Variants in ACE observed in about 807,000 individuals in gnomAD.
ACE encodes the protein angiotensin I converting enzyme, also known as angiotensin-converting enzyme.
Under a neutral mutation model 162.3 loss-of-function variants are expected in ACE, and 122 were observed. The observed-to-expected ratio is 0.75, with a 90% CI of 0.65 to 0.87. The LOEUF (loss-of-function observed/expected upper bound fraction) is 0.87, where lower values mean the gene tolerates loss of function less well. Among genes scored for constraint, ACE ranks in the 40% least tolerant of loss-of-function variants. The pLI is 0.00. For missense variants in ACE, 1,799 were observed against 1,735.1 expected, an observed-to-expected ratio of 1.04 and a Z score of -0.65; for synonymous variants, 796 against 720.6, an observed-to-expected ratio of 1.10 and a Z score of -1.68.
chr17:63,497,356 GAC>G lies in ACE; in HGVS notation c.3914_3915del (p.His1305LeufsTer4). On this transcript the variant is annotated frameshift_variant, in exon 25 of 25. Transcript: ENST00000290866. LOFTEE classifies it high-confidence loss of function. ...CAGTTCGGCTCCGAGGTGGAGCTGA[GAC>G]ACTCCTGAGGTGACCCGGCTGGGTC... The G allele has an allele frequency of 1.9e-6, 3 of 1,548,470 alleles. No homozygotes were observed. The highest frequency in any genetic ancestry group is 2.6e-6 in the Non-Finnish European group (3 of 1,146,878).
chr17:63,477,303 C>A lies in ACE; in HGVS notation c.209C>A (p.Ala70Glu). The A allele has an allele frequency of 1.4e-6, 2 of 1,435,126 alleles. No homozygotes were observed. The highest frequency in any genetic ancestry group is 1.5e-5 in the African/African-American group (1 of 67,698). The allele number at this position is 1,435,126 out of a possible 1,614,324, so 88.9% of individuals were successfully genotyped here. A position where few individuals can be genotyped will look rare whatever the true frequency, so the allele number is the denominator to read the frequency against. ...VLFQSVAASW[A>E]HDTNITAENA... ...TTCCAGAGCGTGGCCGCCAGCTGGGCGCACGACACCAACATCACCGCGGAG... is the reference window on the plus strand; with the variant it reads ...TTCCAGAGCGTGGCCGCCAGCTGGGAGCACGACACCAACATCACCGCGGAG... Residue 70 changes from alanine to glutamate, a missense_variant, in exon 1 of 25, where the codon GCG becomes GAG. Transcript: ENST00000290866.
At position 63,484,330 on chromosome 17, in the gene ACE, G is replaced by A. The variant is rs1393920320; in HGVS notation, c.1710G>A (p.Arg570=). ...YRSTKAGAKL[R]KVLQAGSSRP... ...CCATGGTACCCACTCTGCCCACCAG[G>A]AAGGTGCTGCAGGCTGGCTCCTCCA... Residue 570 remains arginine (R), a splice_region_variant and synonymous_variant, in exon 12 of 25, where the codon CGG becomes CGA. Coordinates refer to ENST00000290866, the MANE Select transcript of ACE (RefSeq NM_000789.4). The surrounding 1 kb of genome is among the most constrained non-coding windows in gnomAD (Gnocchi z 4.0). 1.9e-6 allele frequency: 3 copies of A among 1,609,968 alleles called. 1 individual carries two copies. Among genetic ancestry groups the A allele is most frequent in the Middle Eastern group, 4.3e-4 (2 of 4,618 alleles).
intron 22 of ACE, 101 bp from the exon 23 acceptor site, chr17:63,496,293 A>T (rs1599157343): frequency 6.4e-7 from 1 of 1,571,134 alleles, no homozygotes; most frequent in East Asian, 2.2e-5. Context: ...TGCGCATGTG[A>T]CTTAGCACAC....
chr17:63,497,660 A>C lies in ACE; in HGVS notation c.*294A>C, dbSNP rs1483567920. 3.2e-6 allele frequency: 2 copies of C among 616,594 alleles called. No homozygotes were observed. The highest frequency in any genetic ancestry group is 3.6e-5 in the African/African-American group (2 of 55,142). 38.2% of individuals were successfully genotyped at this position (616,594 alleles called of 1,614,324 possible). On this transcript the variant is annotated 3_prime_UTR_variant, in exon 25 of 25. Coordinates refer to ENST00000290866, the MANE Select transcript of ACE (RefSeq NM_000789.4). ...CCTCACAGGGAAGCCAGGGACAGGGACAGGCTGCTTTCCTGCCTCCTGGCA... is the reference window on the plus strand; with the variant it reads ...CCTCACAGGGAAGCCAGGGACAGGGCCAGGCTGCTTTCCTGCCTCCTGGCA...
chr17:63,484,103 T>A lies in ACE; in HGVS notation c.1709+132T>A. On this transcript the variant is annotated intron_variant, in intron 11 of 24. Coordinates refer to ENST00000290866, the MANE Select transcript of ACE (RefSeq NM_000789.4). This position sits in a 1 kb window ranked among gnomAD's most constrained non-coding sequence, Gnocchi z 4.0. Reference sequence around the variant, plus strand: ...AGAGCTGGACTGATGTGGATGCCTGTCTCCTCGCTATGTCATCAAATATTT... The same window carrying A: ...AGAGCTGGACTGATGTGGATGCCTGACTCCTCGCTATGTCATCAAATATTT... 7.0e-7 allele frequency: 1 copy of A among 1,429,480 alleles called. No individual in the cohort carries two copies. Among genetic ancestry groups the A allele is most frequent in the Non-Finnish European group, 9.4e-7 (1 of 1,062,416 alleles). 88.5% of individuals were successfully genotyped at this position (1,429,480 alleles called of 1,614,324 possible).
rs190726855 is a variant in ACE at position 63,482,798 on chromosome 17, C to T, written c.1342+109C>T. 2.8e-4 allele frequency: 353 copies of T among 1,283,450 alleles called. 2 individuals carry two copies. The Middle Eastern group carries it at 7.3e-3, about 27-fold the overall frequency. 79.5% of individuals were successfully genotyped at this position (1,283,450 alleles called of 1,614,324 possible). On this transcript the variant is annotated intron_variant, in intron 8 of 24. Transcript: ENST00000290866. ...CTCTGCCCTTCTTTCTGCCTCCCGG[C>T]CCCAGGTCAGGCAGGGTTCGGGATC...
intron 12 of ACE, 174 bp from the exon 13 acceptor site, chr17:63,485,062 C>A: frequency 6.2e-7 from 1 of 1,607,802 alleles, no homozygotes; most frequent in Admixed American, 1.7e-5. Flanking sequence ...CAGCCCAGAG[C>A]CCAAGTGGGA....
rs12720743 is a variant in ACE at position 63,497,005 on chromosome 17, CT to C, written c.3691+21del. Reference sequence around the variant, plus strand: ...ACTCCGGTACCGCCACCCACCCCACCTCCAGCCTTGGGTCTTAACCCCCTCC... The same window carrying C: ...ACTCCGGTACCGCCACCCACCCCACCCCAGCCTTGGGTCTTAACCCCCTCC... On this transcript the variant is annotated intron_variant, in intron 24 of 24. Coordinates refer to ENST00000290866, the MANE Select transcript of ACE (RefSeq NM_000789.4). 16,413 of 1,602,132 alleles carry C rather than the reference CT, an allele frequency of 0.01. 509 individuals are homozygous for C. The African/African-American group carries it at 0.1, about 10-fold the overall frequency.
intron 3 of ACE, 75 bp downstream of exon 3, chr17:63,479,175 A>G (rs1223385883): frequency 4.9e-6 from 6 of 1,221,132 alleles, no homozygotes; most frequent in Non-Finnish European, 5.9e-6. Context: ...CAGACCATGC[A>G]GTTGTGTAGG....
In ACE at chr17:63,485,190, G is replaced by A. The variant is rs780753411; in HGVS notation, c.1922-46G>A. ...CTTCTGGTGAGACCACAAACCTGGA[G>A]AGGGGAGGCAGAGGTTTGTCTGTTT... is the stretch of plus-strand genomic sequence containing the variant. On this transcript the variant is annotated intron_variant, in intron 12 of 24. Transcript: ENST00000290866. 73 of 1,613,464 alleles carry A rather than the reference G, an allele frequency of 4.5e-5. 1 individual carries two copies. The South Asian group carries it at 7.8e-4, about 17-fold the overall frequency.
chr17:63,484,591 T>A lies in ACE; in HGVS notation c.1921+50T>A. ...TGGGGCTAAGGTGGGTCCTCAACTC[T>A]GGGCTTGGCCCAGGCCCCAGGTTCC... On this transcript the variant is annotated intron_variant, in intron 12 of 24. Coordinates refer to ENST00000290866, the MANE Select transcript of ACE (RefSeq NM_000789.4). This position sits in a 1 kb window ranked among gnomAD's most constrained non-coding sequence, Gnocchi z 4.0. 1.9e-6 allele frequency: 3 copies of A among 1,561,062 alleles called. No homozygotes were observed. The highest frequency in any genetic ancestry group is 2.3e-5 in the South Asian group (2 of 85,604).
At position 63,485,320 on chromosome 17, in the gene ACE, A is replaced by G. The variant is rs1266247312; in HGVS notation, c.2006A>G (p.Glu669Gly). 1 of 1,613,852 alleles carries G rather than the reference A, an allele frequency of 6.2e-7. No homozygotes were observed. Among genetic ancestry groups the G allele is most frequent in the Non-Finnish European group, 8.5e-7 (1 of 1,179,994 alleles). Residue 669 changes from glutamate to glycine, a missense_variant, in exon 13 of 25, where the codon GAG (glutamate) becomes GGG (glycine). Glu to Gly is a moderately conservative substitution (Grantham distance 98). Coordinates refer to ENST00000290866, the MANE Select transcript of ACE (RefSeq NM_000789.4). ...TSQVVWNEYAEANWNYNTNIT... is the reference protein window; with the variant it reads ...TSQVVWNEYAGANWNYNTNIT... ...CAGGTGGTGTGGAACGAGTATGCCG[A>G]GGCCAACTGGAACTACAACACCAAC...
intron 6 of ACE, 80 bp downstream of exon 6, chr17:63,481,268 G>T: frequency 7.3e-7 from 1 of 1,364,454 alleles, no homozygotes; most frequent in Non-Finnish European, 1.0e-6. Flanking sequence ...GGGCACAGGG[G>T]CGGGAAGGTT....
intron 22 of ACE, chr17:63,496,050 T>C (rs1051834643): frequency 1.3e-5 from 5 of 374,750 alleles, no homozygotes; most frequent in Non-Finnish European, 2.5e-5. Context: ...TTGCCTCTAC[T>C]TGCATATACC....
chr17:63,486,133 ACT>A (rs1314468702), intron 13 of ACE, among the ~76,000 whole-genome samples: 1 of 152,108 alleles, frequency 6.6e-6, no homozygotes, highest in Non-Finnish European at 1.5e-5. Context: ...TGAGCCACAC[ACT>A]GTTACTGTTC....
At position 63,485,112 on chromosome 17, in the gene ACE, C is replaced by T. The variant is rs748936553; in HGVS notation, c.1922-124C>T. The T allele has an allele frequency of 2.2e-5, 28 of 1,299,290 alleles. No individual in the cohort carries two copies. In the Middle Eastern group the frequency reaches 7.6e-4, roughly 35 times the overall value. 80.5% of individuals were successfully genotyped at this position (1,299,290 alleles called of 1,614,324 possible). ...GGCAGGGTGCCAGGGGTGGGAGAGG[C>T]GGGGCCGGGTAGGGACAGGGCAGGG... is the stretch of plus-strand genomic sequence containing the variant. On this transcript the variant is annotated intron_variant, in intron 12 of 24. Coordinates refer to ENST00000290866, the MANE Select transcript of ACE (RefSeq NM_000789.4).
Position 63,477,132 on chromosome 17 carries a change from T to C in ACE, c.38T>C (p.Leu13Pro), listed in dbSNP as rs1187548350. The change falls in exon 1 of 25, where the codon CTG (leucine) becomes CCG (proline). Residue 13 changes from leucine (L) to proline (P), a missense_variant. Transcript: ENST00000290866. The part of the protein sequence containing the change: ...AASGRRGPGL[L>P]LPLPLLLLLP... ...TCGGGCCGCCGGGGGCCGGGGCTGC[T>C]GCTGCCGCTGCCGCTGCTGTTGCTG... 1.6e-5 allele frequency: 23 copies of C among 1,420,410 alleles called. No homozygotes were observed. In the East Asian group the frequency reaches 6.9e-4, roughly 43 times the overall value. 88.0% of individuals were successfully genotyped at this position (1,420,410 alleles called of 1,614,324 possible).
chr17:63,493,928 A>G lies in ACE; in HGVS notation c.3143A>G (p.Asp1048Gly), dbSNP rs1313627969. 16 of 1,614,004 alleles carry G rather than the reference A, an allele frequency of 9.9e-6. No homozygotes were observed. In the Admixed American group the frequency reaches 1.7e-4, roughly 17 times the overall value. Reference protein sequence around the residue: ...LSSEGGSDEHDINFLMKMALD... With the variant: ...LSSEGGSDEHGINFLMKMALD... ...GGGCTCCCTTCCCTTGCAGAGCATG[A>G]CATCAACTTTCTGATGAAGATGGCC... Residue 1048 changes from aspartate to glycine, a missense_variant, in exon 21 of 25, where the codon GAC (aspartate) becomes GGC (glycine). Physicochemically the swap from Asp to Gly is moderately conservative, Grantham distance 94. Coordinates refer to ENST00000290866, the MANE Select transcript of ACE (RefSeq NM_000789.4).
At position 63,480,461 on chromosome 17, in the gene ACE, C is replaced by T. The variant is rs4302; in HGVS notation, c.780C>T (p.Arg260=). The change falls in exon 5 of 25, where the codon CGC becomes CGT. Residue 260 remains arginine (R), a synonymous_variant. Transcript: ENST00000290866. ...LYLNLHAFVR[R]ALHRRYGDRY... ...TGAACCTCCATGCCTTCGTCCGCCG[C>T]GCACTGCATCGCCGATACGGAGACA... is the stretch of plus-strand genomic sequence containing the variant. 2,392 of 1,614,114 alleles carry T rather than the reference C, an allele frequency of 1.5e-3. 34 individuals are homozygous for T. The African/African-American group carries it at 0.029, about 19-fold the overall frequency.
Sources: allele counts gnomAD v4.1 joint callset (sites outside exome capture counted in the v4.1 genomes callset), GRCh38; gene constraint gnomAD v4.1.1; non-coding constraint Gnocchi (gnomAD v3.1); transcripts MANE v1.5; gene names NCBI Gene and HGNC (gene_info 2026-07-23, HGNC 2026-07-21).